The following TYW1B variants were observed in gnomAD, a reference collection of about 807,000 sequenced individuals.
TYW1B encodes the protein S-adenosyl-L-methionine-dependent tRNA 4-demethylwyosine synthase TYW1B.
A neutral mutation model predicts 86.9 loss-of-function variants in TYW1B; 73 were observed. The ratio of observed to expected loss-of-function variants is 0.84; its 90% CI spans 0.70 to 1.02. TYW1B has a LOEUF of 1.02. Among genes scored for constraint, TYW1B ranks in the 50% least tolerant of loss-of-function variants. TYW1B has a pLI of 0.00. For missense variants in TYW1B, 637 were observed against 827.4 expected (o/e 0.77, Z 2.82); for synonymous variants, 248 against 292.8 (o/e 0.85, Z 1.56).
At chr7:72,644,712 A>G (rs1267004322) in intron 11 of TYW1B, among the ~76,000 whole-genome samples, 4 of 152,060 alleles carry the variant, frequency 2.6e-5, no homozygotes, top group Non-Finnish European at 4.4e-5. Context: ...TGCAGTGGGG[A>G]AAAAAATCCC....
rs1814331453 is a variant in TYW1B, at chr7:72,696,823, G to GCTCT, written c.1371-2005_1371-2002dup. Among the ~76,000 whole-genome samples, 5 of 152,244 alleles carry GCTCT rather than the reference G, an allele frequency of 3.3e-5. No homozygotes were observed. The South Asian group carries it at 1.0e-3, about 32-fold the overall frequency. ...ACAGAGGTGATTAAGATCCTGGCAG[G>GCTCT]CTCTCATTGCTTTAATGCCTCTGCA... On this transcript the variant is annotated intron_variant, in intron 10 of 13. Coordinates refer to ENST00000620995, the MANE Select transcript of TYW1B (RefSeq NM_001145440.3).
intron 6 of TYW1B, among the ~76,000 whole-genome samples, chr7:72,798,129 C>A (rs1250878531): frequency 6.6e-6 from 1 of 151,992 alleles, no homozygotes; most frequent in Non-Finnish European, 1.5e-5. Context: ...GCCGGCCGGG[C>A]GCGGTGGCTC....
Position 72,810,607 on chromosome 7 carries a change from G to A in TYW1B, c.296C>T (p.Thr99Ile), listed in dbSNP as rs1554477934. ...TTTGCAGAACCACTCTGCACTTTCG[G>A]TTGGTAGGCCGTCAGTGTATGTCGC... The part of the protein sequence containing the change: ...LVATYTDGLP[T>I]ESAEWFCKWL... The change falls in exon 4 of 14, where the codon ACC (threonine) becomes ATC (isoleucine). Residue 99 changes from threonine (T) to isoleucine (I), a missense_variant. Transcript: ENST00000620995. The A allele has an allele frequency of 7.4e-6, 12 of 1,613,898 alleles. No individual in the cohort carries two copies. Among genetic ancestry groups the A allele is most frequent in the Non-Finnish European group, 1.0e-5 (12 of 1,179,836 alleles).
chr7:72,575,685 T>A lies in TYW1B; in HGVS notation c.1820A>T (p.Asp607Val), dbSNP rs1426854771. ...KIGGEWWTWI[D>V]YNRFQELIQE... is the part of the protein sequence containing the mutation. ...GATGAGCTCCTGGAAGCGGTTATAA[T>A]CGATCCATGTCCACCATTCACCACC... is the stretch of plus-strand genomic sequence containing the variant. The change falls in exon 14 of 14, where the codon GAT becomes GTT. Residue 607 changes from aspartate to valine, a missense_variant. Asp to Val is a radical substitution (Grantham distance 152). Transcript: ENST00000620995. 4.3e-6 allele frequency: 7 copies of A among 1,612,272 alleles called. No homozygotes were observed. Among genetic ancestry groups the A allele is most frequent in the Non-Finnish European group, 5.9e-6 (7 of 1,178,904 alleles).
chr7:72,588,315 G>C (rs1554430814), intron 13 of TYW1B, among the ~76,000 whole-genome samples: 1 of 152,200 alleles, frequency 6.6e-6, no homozygotes, highest in African/African-American at 2.4e-5. Flanking sequence ...CCTCTGATCA[G>C]CGTTACCAAA....
chr7:72,700,488 T>C (rs138537392), intron 10 of TYW1B, among the ~76,000 whole-genome samples: 345 of 152,288 alleles, frequency 2.3e-3, no homozygotes, highest in African/African-American at 8.0e-3. Flanking sequence ...TTTGATTTTC[T>C]AACAACTACA....
At chr7:72,725,387 C>T (rs1343243377) in intron 9 of TYW1B, among the ~76,000 whole-genome samples, 4 of 152,174 alleles carry the variant, frequency 2.6e-5, no homozygotes, top group Non-Finnish European at 5.9e-5. Context: ...AGGAAACACA[C>T]ATCCTCAGTC....
At chr7:72,609,768 T>C (rs1434433739) in intron 13 of TYW1B, among the ~76,000 whole-genome samples, 2 of 151,978 alleles carry the variant, frequency 1.3e-5, no homozygotes, top group Non-Finnish European at 2.9e-5. Context: ...TAGACACTAG[T>C]ATAAGAATAG....
intron 3 of TYW1B, among the ~76,000 whole-genome samples, chr7:72,813,117 T>C (rs1788652752): frequency 6.6e-6 from 1 of 151,720 alleles, no homozygotes; most frequent in Middle Eastern, 3.2e-3. Context: ...AAGGTGAAGA[T>C]ACTACCTGGC....
chr7:72,816,582 G>A (rs1554479467), intron 2 of TYW1B, among the ~76,000 whole-genome samples: 1 of 152,166 alleles, frequency 6.6e-6, no homozygotes, highest in Non-Finnish European at 1.5e-5. Flanking sequence ...TTACTGGGGT[G>A]AGGCCTCAGG....
intron 11 of TYW1B, among the ~76,000 whole-genome samples, chr7:72,694,347 G>A (rs1279178615): frequency 3.9e-5 from 6 of 152,210 alleles, no homozygotes; most frequent in East Asian, 1.9e-4. Flanking sequence ...CATAGATTCC[G>A]GGTTGGGTAT....
At chr7:72,581,905 C>G (rs1329638478) in intron 13 of TYW1B, among the ~76,000 whole-genome samples, 167 of 151,864 alleles carry the variant, frequency 1.1e-3, no homozygotes, top group Non-Finnish European at 2.0e-3. Context: ...GTAGCTGGGA[C>G]TACAGGCACA....
intron 7 of TYW1B, among the ~76,000 whole-genome samples, chr7:72,754,450 T>G (rs1427886703): frequency 2.0e-5 from 3 of 147,688 alleles, no homozygotes; most frequent in Non-Finnish European, 4.5e-5. Flanking sequence ...CTGTTTTTTT[T>G]GTTTGAGACA....
chr7:72,760,002 C>G (rs1787660159), intron 7 of TYW1B, among the ~76,000 whole-genome samples: 1 of 151,916 alleles, frequency 6.6e-6, no homozygotes, highest in Non-Finnish European at 1.5e-5. Context: ...GTCTGTCCAG[C>G]ATATACACAC....
chr7:72,667,493 T>C (rs1170623094), intron 11 of TYW1B, among the ~76,000 whole-genome samples: 9 of 152,184 alleles, frequency 5.9e-5, no homozygotes, highest in East Asian at 1.9e-4. Flanking sequence ...CCCGGGCAGA[T>C]AGCTTCAGCT....
intron 11 of TYW1B, among the ~76,000 whole-genome samples, chr7:72,682,806 C>T (rs36126152): frequency 1.3e-5 from 2 of 152,292 alleles, no homozygotes; most frequent in South Asian, 2.1e-4. Context: ...AGACCAGCGC[C>T]AACACAGGGA....
chr7:72,625,702 C>T (rs1470808985), intron 12 of TYW1B, among the ~76,000 whole-genome samples: 2 of 152,080 alleles, frequency 1.3e-5, no homozygotes, highest in Non-Finnish European at 2.9e-5. Flanking sequence ...CAGCTATAGA[C>T]AGAAGGCTTT....
chr7:72,662,972 T>A (rs1457747598), intron 11 of TYW1B, among the ~76,000 whole-genome samples: 21 of 152,216 alleles, frequency 1.4e-4, no homozygotes, highest in African/African-American at 5.1e-4. Context: ...CTTTTTTATT[T>A]CCCTTTCCTG....
At chr7:72,617,353 C>A (rs1812101715) in intron 12 of TYW1B, among the ~76,000 whole-genome samples, 2 of 151,982 alleles carry the variant, frequency 1.3e-5, no homozygotes, top group South Asian at 2.1e-4. Context: ...AGATAAGGAT[C>A]CCTTTAAAAT....
Sources: gnomAD v4.1 joint callset for allele counts (sites outside exome capture counted in the v4.1 genomes callset) on GRCh38, gnomAD v4.1.1 for gene constraint, MANE v1.5 for transcripts, NCBI Gene and HGNC (gene_info 2026-07-23, HGNC 2026-07-21) for gene names.